The following PPFIA2 variants were observed in gnomAD, a reference collection of about 807,000 sequenced individuals.
PPFIA2 encodes the protein liprin-alpha-2.
A neutral mutation model predicts 175.5 loss-of-function variants in PPFIA2; 46 were observed. The ratio of observed to expected loss-of-function variants is 0.26; its 90% CI spans 0.21 to 0.34. The LOEUF (loss-of-function observed/expected upper bound fraction) is 0.34. Ranked by LOEUF, PPFIA2 falls within the 10% of genes least tolerant of loss-of-function variation. The pLI is 1.00. For missense variants in PPFIA2, 1,179 were observed against 1,506.1 expected (o/e 0.78, Z 3.60); for synonymous variants, 568 against 511.4 (o/e 1.11, Z -1.49).
intron 4 of PPFIA2, among the ~76,000 whole-genome samples, chr12:81,647,514 C>T (rs2066291392): frequency 6.6e-6 from 1 of 151,920 alleles, no homozygotes; most frequent in African/African-American, 2.4e-5. Flanking sequence ...GTAATCCCAG[C>T]ACTTTGGGAG....
At chr12:81,422,833 G>C (rs935247688) in intron 7 of PPFIA2, among the ~76,000 whole-genome samples, 11 of 152,078 alleles carry the variant, frequency 7.2e-5, no homozygotes, top group African/African-American at 2.7e-4. Context: ...GTTGCACTGG[G>C]ATTAAGTTTC....
chr12:81,616,726 A>G lies in PPFIA2; in HGVS notation c.303+60065T>C, dbSNP rs527878767. Among the ~76,000 whole-genome samples, 3 of 152,328 alleles carry G rather than the reference A, an allele frequency of 2.0e-5. No homozygotes were observed. In the East Asian group the frequency reaches 5.8e-4, roughly 29 times the overall value. ...ACACATTTACTTAAAGGAAAGAACC[A>G]TAAATATTAATATTTCATAATAAAT... On this transcript the variant is annotated intron_variant, in intron 4 of 32. Transcript: ENST00000549396.
At chr12:81,753,226 C>A (rs944479103) in intron 3 of PPFIA2, among the ~76,000 whole-genome samples, 3 of 152,134 alleles carry the variant, frequency 2.0e-5, no homozygotes, top group Admixed American at 6.6e-5. Flanking sequence ...TGAGCCACTG[C>A]GGCCAGCCTA....
At chr12:81,424,394 T>C (rs188137765) in intron 7 of PPFIA2, among the ~76,000 whole-genome samples, 1 of 152,194 alleles carries the variant, frequency 6.6e-6, no homozygotes, top group Non-Finnish European at 1.5e-5. Context: ...AATACATCTA[T>C]ATATCTATCT....
chr12:81,363,278 T>TATTA (rs950465063), intron 14 of PPFIA2, among the ~76,000 whole-genome samples: 7 of 151,264 alleles, frequency 4.6e-5, no homozygotes, highest in South Asian at 2.1e-4. Flanking sequence ...TTTTAAAAAA[T>TATTA]ATTAATTAAT....
rs2083337809 is a variant in PPFIA2 at position 81,748,523 on chromosome 12, G to T, written c.249+5450C>A. Among the ~76,000 whole-genome samples the T allele has an allele frequency of 2.8e-5, 4 of 144,638 alleles. No individual in the cohort carries two copies. In the South Asian group the frequency reaches 9.1e-4, roughly 33 times the overall value. 94.9% of individuals were successfully genotyped at this position (144,638 alleles called of 152,430 possible). ...ACCTGCCAGGGCTAGCCCATTACAG[G>T]ATTAGACACATGGCATAGAGGTGAA... is the stretch of plus-strand genomic sequence containing the variant. On this transcript the variant is annotated intron_variant, in intron 3 of 32. Coordinates refer to ENST00000549396, the MANE Select transcript of PPFIA2 (RefSeq NM_003625.5).
At position 81,734,026 on chromosome 12, in the gene PPFIA2, G is replaced by A. The variant is rs191146175; in HGVS notation, c.249+19947C>T. 7.0e-4 allele frequency among the ~76,000 whole-genome samples: 106 copies of A among 151,868 alleles called. 1 individual carries two copies. Among genetic ancestry groups the A allele is most frequent in the African/African-American group, 2.4e-3 (100 of 41,498 alleles). On this transcript the variant is annotated intron_variant, in intron 3 of 32. Coordinates refer to ENST00000549396, the MANE Select transcript of PPFIA2 (RefSeq NM_003625.5). ...TGAGGGCTGTGTCTTCTGAAAATGT[G>A]TAAGACCAATGAGCACAGGAATGCA...
intron 22 of PPFIA2, 98 bp downstream of exon 22, chr12:81,325,679 A>G (rs1359515511): frequency 1.2e-6 from 1 of 853,082 alleles, no homozygotes; most frequent in African/African-American, 1.7e-5. Flanking sequence ...GCTTCAATAT[A>G]GTTCTTTTGT....
intron 18 of PPFIA2, among the ~76,000 whole-genome samples, chr12:81,346,955 A>G (rs2059173463): frequency 6.6e-6 from 1 of 151,900 alleles, no homozygotes; most frequent in Non-Finnish European, 1.5e-5. Flanking sequence ...TTCAAGAAGG[A>G]ATCTCACTCT....
chr12:81,339,567 C>A (rs1411056298), intron 20 of PPFIA2, among the ~76,000 whole-genome samples: 1 of 150,228 alleles, frequency 6.7e-6, no homozygotes, highest in Non-Finnish European at 1.5e-5. Flanking sequence ...GTCTTTTTTT[C>A]TTTACTTTTT....
At chr12:81,728,123 T>C (rs936969892) in intron 3 of PPFIA2, among the ~76,000 whole-genome samples, 1 of 151,376 alleles carries the variant, frequency 6.6e-6, no homozygotes, top group African/African-American at 2.4e-5. Context: ...CACAAAGGAA[T>C]GATATTAGGT....
At chr12:81,369,990 G>T (rs1243354215) in intron 11 of PPFIA2, among the ~76,000 whole-genome samples, 1 of 151,726 alleles carries the variant, frequency 6.6e-6, no homozygotes, top group Non-Finnish European at 1.5e-5. Context: ...ACTACAGAAT[G>T]AATAAAGCAA....
At chr12:81,592,854 C>T (rs1487303720) in intron 4 of PPFIA2, among the ~76,000 whole-genome samples, 3 of 152,146 alleles carry the variant, frequency 2.0e-5, no homozygotes, top group East Asian at 3.9e-4. Context: ...ATCCCAGGCT[C>T]AAGTGATCCT....
chr12:81,621,023 A>C (rs2061990064), intron 4 of PPFIA2, among the ~76,000 whole-genome samples: 1 of 152,236 alleles, frequency 6.6e-6, no homozygotes, highest in South Asian at 2.1e-4. Context: ...CATAAAGTTT[A>C]TCTTGCAATA....
At chr12:81,489,095 G>A (rs960079805) in intron 4 of PPFIA2, among the ~76,000 whole-genome samples, 9 of 151,686 alleles carry the variant, frequency 5.9e-5, no homozygotes, top group African/African-American at 1.9e-4. Flanking sequence ...TGGTAACATT[G>A]AGAGATACAA....
At position 81,369,174 on chromosome 12, in the gene PPFIA2, AT is replaced by A; in HGVS notation, c.1286del (p.Asn429IlefsTer6). On this transcript the variant is annotated frameshift_variant, in exon 12 of 33. Transcript: ENST00000549396. LOFTEE classifies it high-confidence loss of function. ...CTAAATGTCTCATACGTTCTTCAAT[AT>A]TTCCATGTCTCTCTTCAGCCTGTTA... ...ALTKAEERHG[N>X]IEERMRHLEG... 6.2e-7 allele frequency: 1 copy of A among 1,608,846 alleles called. No individual in the cohort carries two copies. Among genetic ancestry groups the A allele is most frequent in the East Asian group, 2.2e-5 (1 of 44,548 alleles).
At chr12:81,503,068 C>A (rs1289786157) in intron 4 of PPFIA2, among the ~76,000 whole-genome samples, 1 of 152,082 alleles carries the variant, frequency 6.6e-6, no homozygotes, top group Non-Finnish European at 1.5e-5. Flanking sequence ...CATATGGATT[C>A]TTTTCTCTAG....
chr12:81,581,457 T>C (rs907444118), intron 4 of PPFIA2, among the ~76,000 whole-genome samples: 2 of 151,792 alleles, frequency 1.3e-5, no homozygotes, highest in Admixed American at 6.6e-5. Context: ...TCCAGGACTT[T>C]ACGCGCAGGT....
intron 3 of PPFIA2, among the ~76,000 whole-genome samples, chr12:81,705,221 G>A (rs1347143377): frequency 2.6e-5 from 4 of 151,168 alleles, no homozygotes; most frequent in South Asian, 2.1e-4. Context: ...AGGCCGAGGC[G>A]GGCAGATCAC....
Sources: allele counts gnomAD v4.1 joint callset (sites outside exome capture counted in the v4.1 genomes callset), GRCh38; gene constraint gnomAD v4.1.1; transcripts MANE v1.5; gene names NCBI Gene and HGNC (gene_info 2026-07-23, HGNC 2026-07-21).